HMOX2: variants seen among roughly 807,000 people sequenced by gnomAD.
The protein encoded by HMOX2 is heme oxygenase (decycling) 2.
Under a neutral mutation model 33.7 loss-of-function variants are expected in HMOX2, and 30 were observed. The observed-to-expected ratio is 0.89, with a 90% CI of 0.67 to 1.21. The LOEUF (loss-of-function observed/expected upper bound fraction) is 1.21. Among genes scored for constraint, HMOX2 ranks in the 50% most tolerant of loss-of-function variants. The probability of loss-of-function intolerance (pLI) is 0.00; values close to 1 mark genes in which losing one functional copy is unlikely to be tolerated. For synonymous variants in HMOX2, 155 were observed against 155.0 expected (o/e 1.00, Z 0.00); for missense variants, 403 against 399.1 (o/e 1.01, Z -0.08).
chr16:4,481,008 C>T (rs1292402553), intron 1 of HMOX2, among the ~76,000 whole-genome samples: 1 of 151,324 alleles, frequency 6.6e-6, no homozygotes, highest in Non-Finnish European at 1.5e-5. Flanking sequence ...AGAGGGCCTA[C>T]TATTAAAGCA....
chr16:4,508,588 G>A (rs940072565), intron 4 of HMOX2, among the ~76,000 whole-genome samples: 5 of 152,162 alleles, frequency 3.3e-5, no homozygotes, highest in African/African-American at 9.7e-5. Context: ...CCACCAAGGA[G>A]AGTAAATAAG....
intron 1 of HMOX2, among the ~76,000 whole-genome samples, chr16:4,501,583 G>T (rs1290732173): frequency 6.6e-6 from 1 of 152,002 alleles, no homozygotes; most frequent in African/African-American, 2.4e-5. Flanking sequence ...TCTCTTTTGT[G>T]GGGGTGGGGA....
chr16:4,490,742 A>G (rs1254654836), intron 1 of HMOX2, among the ~76,000 whole-genome samples: 2 of 152,110 alleles, frequency 1.3e-5, no homozygotes, highest in Non-Finnish European at 2.9e-5. Flanking sequence ...AAATCTATAT[A>G]AGGGATATTT....
intron 1 of HMOX2, among the ~76,000 whole-genome samples, chr16:4,480,108 T>C (rs566677099): frequency 1.1e-4 from 16 of 151,992 alleles, no homozygotes; most frequent in African/African-American, 3.9e-4. Context: ...AGTACAGTGA[T>C]CTGATCTGAG....
At position 4,508,173 on chromosome 16, in the gene HMOX2, A is replaced by C. The variant is rs779619149; in HGVS notation, c.665A>C (p.Glu222Ala). 8 of 1,612,290 alleles carry C rather than the reference A, an allele frequency of 5.0e-6. No homozygotes were observed. The highest frequency in any genetic ancestry group is 5.9e-6 in the Non-Finnish European group (7 of 1,179,102). ...NMKTKERIVE[E>A]ANKAFEYNMQ... The stretch of plus-strand genomic sequence containing the variant: ...AAGACCAAAGAGAGGATCGTGGAGG[A>C]GGCCAACAAGGCTTTTGAGTATAAC... The change falls in exon 4 of 6, where the codon GAG becomes GCG. Residue 222 changes from glutamate (E) to alanine (A), a missense_variant. Glu to Ala is a moderately radical substitution (Grantham distance 107). Coordinates refer to ENST00000570646, the MANE Select transcript of HMOX2 (RefSeq NM_002134.4).
intron 1 of HMOX2, among the ~76,000 whole-genome samples, chr16:4,477,641 C>T (rs961219554): frequency 6.6e-6 from 1 of 151,698 alleles, no homozygotes; most frequent in South Asian, 2.1e-4. Context: ...AAACGCTGGC[C>T]GGTGCAGTGG....
At chr16:4,489,568 C>G (rs1255921921) in intron 1 of HMOX2, among the ~76,000 whole-genome samples, 1 of 152,162 alleles carries the variant, frequency 6.6e-6, no homozygotes, top group Non-Finnish European at 1.5e-5. Flanking sequence ...AAGTGATACT[C>G]CTACCTCAGC....
intron 1 of HMOX2, among the ~76,000 whole-genome samples, chr16:4,485,831 TCTC>T (rs2058153886): frequency 6.6e-6 from 1 of 152,230 alleles, no homozygotes; most frequent in East Asian, 1.9e-4. Context: ...TTCAAACAAT[TCTC>T]CTACCTCTGC....
chr16:4,480,573 G>A (rs921573173), intron 1 of HMOX2, among the ~76,000 whole-genome samples: 2 of 151,668 alleles, frequency 1.3e-5, no homozygotes, highest in African/African-American at 2.4e-5. Flanking sequence ...TCAAACTCCT[G>A]ACCTCAAGTG....
chr16:4,490,931 T>TGC, intron 1 of HMOX2, among the ~76,000 whole-genome samples: 1 of 152,266 alleles, frequency 6.6e-6, no homozygotes, highest in Non-Finnish European at 1.5e-5. Context: ...TGTGTGTGTG[T>TGC]GCGTGCGTGC....
chr16:4,501,066 A>G (rs1596469061), intron 1 of HMOX2, among the ~76,000 whole-genome samples: 1 of 152,272 alleles, frequency 6.6e-6, no homozygotes, highest in East Asian at 1.9e-4. Context: ...TCCATTGACT[A>G]GTTAGTTAAT....
intron 1 of HMOX2, among the ~76,000 whole-genome samples, chr16:4,489,792 G>A (rs568076293): frequency 6.6e-6 from 1 of 152,102 alleles, no homozygotes; most frequent in East Asian, 1.9e-4. Flanking sequence ...TTGGGGGGAG[G>A]TAGCAACAGA....
rs766610668 is a variant in HMOX2, at chr16:4,508,017, T to C, written c.509T>C (p.Val170Ala). The C allele has an allele frequency of 3.7e-6, 6 of 1,613,446 alleles. No individual in the cohort carries two copies. Among genetic ancestry groups the C allele is most frequent in the Admixed American group, 1.7e-5 (1 of 59,948 alleles). The change falls in exon 4 of 6, where the codon GTG becomes GCG. Residue 170 changes from valine to alanine, a missense_variant. Physicochemically the swap from Val to Ala is moderately conservative, Grantham distance 64 (BLOSUM62 0). Transcript: ENST00000570646. ...DLSGGQVLKK[V>A]AQRALKLPST... ...TCGGGGGGCCAGGTGCTGAAGAAGG[T>C]GGCCCAGCGAGCACTGAAACTCCCC...
At chr16:4,505,221 AT>A (rs2058660763) in intron 1 of HMOX2, among the ~76,000 whole-genome samples, 1 of 152,234 alleles carries the variant, frequency 6.6e-6, no homozygotes, top group Non-Finnish European at 1.5e-5. Context: ...ACATTCTCTT[AT>A]ATAATCGCAG....
In HMOX2 at chr16:4,507,690, GCCT is replaced by G. The variant is rs1318370281; in HGVS notation, c.205-16_205-14del. ...GATGTGGTGTGCTCAGGCATAGCTG[GCCT>G]CCTCCTGTCACCTCCACAGCTGGCC... On this transcript the variant is annotated intron_variant, in intron 3 of 5. Coordinates refer to ENST00000570646, the MANE Select transcript of HMOX2 (RefSeq NM_002134.4). The G allele has an allele frequency of 8.1e-6, 13 of 1,606,198 alleles. No homozygotes were observed. The highest frequency in any genetic ancestry group is 4.0e-5 in the African/African-American group (3 of 74,802).
chr16:4,490,916 A>ATG (rs149412265), intron 1 of HMOX2, among the ~76,000 whole-genome samples: 37 of 150,996 alleles, frequency 2.5e-4, no homozygotes, highest in South Asian at 1.0e-3. Flanking sequence ...GTGGTGGGGT[A>ATG]TGTGTGTGTG....
At position 4,509,418 on chromosome 16, in the gene HMOX2, A is replaced by T. The variant is rs772350718; in HGVS notation, c.703A>T (p.Asn235Tyr). 6.2e-7 allele frequency: 1 copy of T among 1,613,680 alleles called. No individual in the cohort carries two copies. Among genetic ancestry groups the T allele is most frequent in the African/African-American group, 1.3e-5 (1 of 74,870 alleles). Residue 235 changes from asparagine to tyrosine, a missense_variant, in exon 5 of 6, where the codon AAT (asparagine) becomes TAT (tyrosine). Coordinates refer to ENST00000570646, the MANE Select transcript of HMOX2 (RefSeq NM_002134.4). ...CGATCCTCTGCTCCTGCAGATATTC[A>T]ATGAACTGGACCAGGCCGGCTCCAC... ...KAFEYNMQIF[N>Y]ELDQAGSTLA...
chr16:4,502,010 G>A (rs1222583876), intron 1 of HMOX2, among the ~76,000 whole-genome samples: 3 of 152,108 alleles, frequency 2.0e-5, no homozygotes, highest in Admixed American at 6.5e-5. Context: ...AAGTAAAATC[G>A]GTAGAACCTA....
At chr16:4,477,214 T>G (rs1317615986) in intron 1 of HMOX2, among the ~76,000 whole-genome samples, 2 of 152,042 alleles carry the variant, frequency 1.3e-5, no homozygotes, top group African/African-American at 4.8e-5. Flanking sequence ...TTAAATCGCG[T>G]CTGGGCCGGG....
Sources: allele counts gnomAD v4.1 joint callset (sites outside exome capture counted in the v4.1 genomes callset), GRCh38; gene constraint gnomAD v4.1.1; transcripts MANE v1.5; gene names NCBI Gene and HGNC (gene_info 2026-07-23, HGNC 2026-07-21).